The following BCAT2 variants were observed in gnomAD, a reference collection of about 807,000 sequenced individuals.
BCAT2 encodes branched-chain-amino-acid aminotransferase, mitochondrial.
In BCAT2, 44 loss-of-function variants were observed where a neutral mutation model predicts 52.9. The observed-to-expected ratio is 0.83, with a 90% confidence interval of 0.65 to 1.07. BCAT2 has a LOEUF of 1.07. BCAT2 is among the 50% of genes least tolerant of loss of function. BCAT2 has a pLI of 0.00. For missense variants in BCAT2, 478 were observed against 521.8 expected, an observed-to-expected ratio of 0.92 and a Z score of 0.82; for synonymous variants, 215 against 217.1, an observed-to-expected ratio of 0.99 and a Z score of 0.08.
At chr19:48,804,283 C>T (rs934230091) in intron 3 of BCAT2, among the ~76,000 whole-genome samples, 1 of 152,144 alleles carries the variant, frequency 6.6e-6, no homozygotes, top group African/African-American at 2.4e-5. Context: ...GTGGCTCACG[C>T]CTGCAATCCC....
At chr19:48,809,565 G>C (rs1168592129) in intron 1 of BCAT2, among the ~76,000 whole-genome samples, 1 of 151,922 alleles carries the variant, frequency 6.6e-6, no homozygotes, top group Non-Finnish European at 1.5e-5. Context: ...GACCAGGGCT[G>C]TTCTATGATG....
Position 48,807,775 on chromosome 19 carries a change from T to C in BCAT2, c.25-701A>G, listed in dbSNP as rs1568511749. ...GATTACCTGAAATACAAACCCATTT[T>C]GGCAGTGACTCCAATTCCCTTCAGC... On this transcript the variant is annotated intron_variant, in intron 1 of 10. Transcript: ENST00000316273. The surrounding 1 kb of genome is among the most constrained non-coding windows in gnomAD (Gnocchi z 4.6). The C allele has an allele frequency of 1.2e-5, 12 of 985,822 alleles. No homozygotes were observed. The highest frequency in any genetic ancestry group is 1.4e-5 in the Non-Finnish European group (12 of 830,058). 61.1% of individuals were successfully genotyped at this position (985,822 alleles called of 1,614,324 possible).
chr19:48,797,166 C>T (rs375569683), intron 7 of BCAT2, 25 bp downstream of exon 7: 54 of 1,612,548 alleles, frequency 3.3e-5, no homozygotes, highest in African/African-American at 1.2e-4. Flanking sequence ...CACCAGGGTT[C>T]GGGCTGGGTC....
intron 1 of BCAT2, among the ~76,000 whole-genome samples, chr19:48,810,575 C>A (rs1189751725): frequency 6.6e-6 from 1 of 152,012 alleles, no homozygotes; most frequent in Non-Finnish European, 1.5e-5. Flanking sequence ...GACTTGAGGT[C>A]CAACTCTGCC....
chr19:48,809,830 G>T (rs772445678), intron 1 of BCAT2, among the ~76,000 whole-genome samples: 1 of 150,006 alleles, frequency 6.7e-6, no homozygotes, highest in South Asian at 2.1e-4. Flanking sequence ...CTATGTTGCT[G>T]TCTAGGCCAG....
chr19:48,799,316 T>C lies in BCAT2; in HGVS notation c.695+359A>G. 4.8e-6 allele frequency: 1 copy of C among 206,400 alleles called. No individual in the cohort carries two copies. The highest frequency in any genetic ancestry group is 1.1e-4 in the East Asian group (1 of 9,234). 12.8% of individuals were successfully genotyped at this position (206,400 alleles called of 1,614,324 possible). On this transcript the variant is annotated intron_variant, in intron 6 of 10. Transcript: ENST00000316273. This position sits in a 1 kb window ranked among gnomAD's most constrained non-coding sequence, Gnocchi z 5.5. ...CTCAAACGACTGTGGGAGCTGGGTA[T>C]GGGGAGCGCAGCCCAGCCTGGGGGA...
At chr19:48,801,765 T>G (rs1338903588) in intron 3 of BCAT2, among the ~76,000 whole-genome samples, 1 of 151,994 alleles carries the variant, frequency 6.6e-6, no homozygotes, top group Non-Finnish European at 1.5e-5. Context: ...ACCTCCCAAG[T>G]AGCTGGGATT....
chr19:48,808,194 T>C (rs1031935535), intron 1 of BCAT2: 2 of 986,162 alleles, frequency 2.0e-6, no homozygotes, highest in Non-Finnish European at 2.4e-6. Flanking sequence ...CAGATTGCCT[T>C]TGGGTGGCGA....
intron 10 of BCAT2, 43 bp from the exon 11 acceptor site, chr19:48,795,507 ACAACTCC>A: frequency 5.0e-6 from 8 of 1,610,008 alleles, no homozygotes; most frequent in Non-Finnish European, 6.8e-6. Context: ...AAGCTGCACT[ACAACTCC>A]CAGTAGGCCC....
rs773739531 is a variant in BCAT2, at chr19:48,799,728, G to C, written c.642C>G (p.Asp214Glu). 5 of 1,595,710 alleles carry C rather than the reference G, an allele frequency of 3.1e-6. No homozygotes were observed. Among genetic ancestry groups the C allele is most frequent in the Non-Finnish European group, 4.3e-6 (5 of 1,172,592 alleles). ...CCACCCAGGCCCGGATGAAGGCTGG[G>C]TCGGCCAGGAGGGAGACCGGGGTCA... ...GSVTPVSLLA[D>E]PAFIRAWVGG... The change falls in exon 6 of 11, where the codon GAC (aspartate) becomes GAG (glutamate). Residue 214 changes from aspartate to glutamate, a missense_variant. Asp to Glu is a conservative substitution (Grantham distance 45). Transcript: ENST00000316273. The surrounding 1 kb of genome is among the most constrained non-coding windows in gnomAD (Gnocchi z 5.5).
rs35775607 is a variant in BCAT2 at position 48,802,441 on chromosome 19, C to CTTT, written c.301-2147_301-2145dup. Reference sequence around the variant, plus strand: ...AAGAAGGGACGTGTGTACTGGATTCCTTTTTTTTTTTTTTTTTTTTTTTTG... The same window carrying CTTT: ...AAGAAGGGACGTGTGTACTGGATTCCTTTTTTTTTTTTTTTTTTTTTTTTTTTG... On this transcript the variant is annotated intron_variant, in intron 3 of 10. Transcript: ENST00000316273. 6.7e-3 allele frequency among the ~76,000 whole-genome samples: 584 copies of CTTT among 87,000 alleles called. 13 individuals carry two copies. Among genetic ancestry groups the CTTT allele is most frequent in the Non-Finnish European group, 6.0e-3 (286 of 47,592 alleles). The allele number at this position is 87,000 out of a possible 152,430, so 57.1% of individuals were successfully genotyped here.
At chr19:48,798,049 T>C (rs1299333733) in intron 6 of BCAT2, among the ~76,000 whole-genome samples, 2 of 152,006 alleles carry the variant, frequency 1.3e-5, no homozygotes, top group African/African-American at 4.8e-5. Flanking sequence ...ATTACAAGAG[T>C]GAGCCACAGC....
intron 3 of BCAT2, among the ~76,000 whole-genome samples, chr19:48,800,516 A>G (rs140517045): frequency 2.9e-4 from 44 of 152,332 alleles, no homozygotes; most frequent in African/African-American, 1.0e-3. Context: ...CGGAGACTCT[A>G]GAAAGCAAAG....
At chr19:48,802,976 C>G (rs1322330081) in intron 3 of BCAT2, among the ~76,000 whole-genome samples, 1 of 152,168 alleles carries the variant, frequency 6.6e-6, no homozygotes, top group Non-Finnish European at 1.5e-5. Context: ...GGGAGAATTG[C>G]TTGAAGCCAG....
chr19:48,805,069 G>A (rs1277575500), intron 3 of BCAT2, among the ~76,000 whole-genome samples: 2 of 152,158 alleles, frequency 1.3e-5, no homozygotes, highest in Admixed American at 1.3e-4. Context: ...AAGTCTTCAT[G>A]CCACAGAACT....
chr19:48,799,948 A>C lies in BCAT2; in HGVS notation c.531+33T>G. ...CTGCCCTGCAGAATCCAACCCCCGC[A>C]GCCCAGCTTCCCAGCCCTGGAGTTG... On this transcript the variant is annotated intron_variant, in intron 5 of 10. Coordinates refer to ENST00000316273, the MANE Select transcript of BCAT2 (RefSeq NM_001190.4). This position sits in a 1 kb window ranked among gnomAD's most constrained non-coding sequence, Gnocchi z 5.5. 6.2e-7 allele frequency: 1 copy of C among 1,610,354 alleles called. No homozygotes were observed. The highest frequency in any genetic ancestry group is 1.1e-5 in the South Asian group (1 of 90,908).
At position 48,806,981 on chromosome 19, in the gene BCAT2, T is replaced by C. The variant is rs1203242417; in HGVS notation, c.99+19A>G. The C allele has an allele frequency of 3.1e-6, 5 of 1,611,506 alleles. No homozygotes were observed. The highest frequency in any genetic ancestry group is 4.2e-6 in the Non-Finnish European group (5 of 1,177,740). On this transcript the variant is annotated intron_variant, in intron 2 of 10. Coordinates refer to ENST00000316273, the MANE Select transcript of BCAT2 (RefSeq NM_001190.4). Reference sequence around the variant, plus strand: ...CCCCCTCCTCTCTCAGAGCCAAGCATCGAGTTCCCTCCTTTCACCTTGAAA... The same window carrying C: ...CCCCCTCCTCTCTCAGAGCCAAGCACCGAGTTCCCTCCTTTCACCTTGAAA...
chr19:48,799,659 TG>T lies in BCAT2; in HGVS notation c.695+15del. ...CCCAGTGCGCCAGTCGTTCTGGGGA[TG>T]GGGGTGCTACTTACCCACCTAACTT... On this transcript the variant is annotated intron_variant, in intron 6 of 10. Transcript: ENST00000316273. This position sits in a 1 kb window ranked among gnomAD's most constrained non-coding sequence, Gnocchi z 5.5. The T allele has an allele frequency of 1.9e-6, 3 of 1,555,748 alleles. No homozygotes were observed. The highest frequency in any genetic ancestry group is 2.4e-5 in the South Asian group (2 of 83,254).
At chr19:48,810,050 G>T (rs2034885532) in intron 1 of BCAT2, among the ~76,000 whole-genome samples, 1 of 152,062 alleles carries the variant, frequency 6.6e-6, no homozygotes, top group Non-Finnish European at 1.5e-5. Context: ...AGTCCCAAGT[G>T]GACCTGTCAA....
Sources: gnomAD v4.1 joint callset for allele counts (sites outside exome capture counted in the v4.1 genomes callset) on GRCh38, gnomAD v4.1.1 for gene constraint, Gnocchi (gnomAD v3.1) non-coding constraint, MANE v1.5 for transcripts, NCBI Gene and HGNC (gene_info 2026-07-23, HGNC 2026-07-21) for gene names.